STK24: variants seen among roughly 807,000 people sequenced by gnomAD.
The protein encoded by STK24 is serine/threonine kinase 24, also known as serine/threonine-protein kinase 24.
Under a neutral mutation model 55.6 loss-of-function variants are expected in STK24, and 21 were observed. That is an observed-to-expected ratio of 0.38 (90% confidence interval 0.27 to 0.54). The LOEUF (loss-of-function observed/expected upper bound fraction) is 0.54. Ranked by LOEUF, STK24 falls within the 20% of genes least tolerant of loss-of-function variation. STK24 has a pLI of 0.79. For synonymous variants in STK24, 200 were observed against 215.2 expected, an observed-to-expected ratio of 0.93 and a Z score of 0.62; for missense variants, 383 against 538.4, an observed-to-expected ratio of 0.71 and a Z score of 2.86.
intron 1 of STK24, among the ~76,000 whole-genome samples, chr13:98,555,573 C>T (rs1412995412): frequency 1.3e-5 from 2 of 151,408 alleles, no homozygotes; most frequent in Admixed American, 6.6e-5. Context: ...AGTGAGACTC[C>T]GTCTCAATAA....
At chr13:98,538,822 C>T (rs1334310850) in intron 1 of STK24, among the ~76,000 whole-genome samples, 2 of 152,196 alleles carry the variant, frequency 1.3e-5, no homozygotes, top group Non-Finnish European at 2.9e-5. Flanking sequence ...CACACTCAGG[C>T]CCTGGTGTCC....
chr13:98,502,116 C>T (rs1759602915), intron 2 of STK24, among the ~76,000 whole-genome samples: 1 of 152,190 alleles, frequency 6.6e-6, no homozygotes, highest in African/African-American at 2.4e-5. Flanking sequence ...GAATGGTTCC[C>T]TGTCCTGTGT....
At chr13:98,506,440 C>T (rs1443260122) in intron 2 of STK24, among the ~76,000 whole-genome samples, 1 of 152,208 alleles carries the variant, frequency 6.6e-6, no homozygotes. Context: ...CACAGCAGTG[C>T]TAACGAAGGA....
At chr13:98,532,378 G>A (rs1018878010) in intron 1 of STK24, among the ~76,000 whole-genome samples, 2 of 151,676 alleles carry the variant, frequency 1.3e-5, no homozygotes, top group Admixed American at 6.6e-5. Flanking sequence ...ACTAGTAATT[G>A]ATGGTGCATG....
At chr13:98,470,853 T>C (rs1313706874) in intron 5 of STK24, among the ~76,000 whole-genome samples, 2 of 152,258 alleles carry the variant, frequency 1.3e-5, no homozygotes, top group African/African-American at 4.8e-5. Context: ...AACTCTATAA[T>C]CAAGAAGAAA....
At chr13:98,503,362 A>G (rs1895561862) in intron 2 of STK24, among the ~76,000 whole-genome samples, 1 of 152,218 alleles carries the variant, frequency 6.6e-6, no homozygotes, top group Admixed American at 6.5e-5. Context: ...ACCTGATTAA[A>G]ACAAACAAAA....
intron 1 of STK24, among the ~76,000 whole-genome samples, chr13:98,558,145 CA>C (rs1362657419): frequency 6.6e-6 from 1 of 152,178 alleles, no homozygotes; most frequent in Non-Finnish European, 1.5e-5. Flanking sequence ...CATCTAATCC[CA>C]ATGCCAGCAC....
At position 98,457,159 on chromosome 13, in the gene STK24, G is replaced by A. The variant is rs368944064; in HGVS notation, c.1259+9C>T. ...CCTTCCCCAGCCCAGAGGGGCCCTG[G>A]GTAGTTACCTCTGGAGCCGCTGCAC... On this transcript the variant is annotated intron_variant, in intron 10 of 10. Coordinates refer to ENST00000539966, the MANE Select transcript of STK24 (RefSeq NM_001032296.4). The A allele has an allele frequency of 1.0e-4, 168 of 1,609,198 alleles. No individual in the cohort carries two copies. In the Middle Eastern group the frequency reaches 1.1e-3, roughly 11 times the overall value.
intron 9 of STK24, among the ~76,000 whole-genome samples, chr13:98,458,923 G>A (rs950075274): frequency 2.6e-5 from 4 of 152,168 alleles, no homozygotes; most frequent in Non-Finnish European, 4.4e-5. Context: ...TGAACTCTAG[G>A]GTAGCAAATA....
chr13:98,463,694 T>C lies in STK24; in HGVS notation c.926A>G (p.Asp309Gly). 6.2e-7 allele frequency: 1 copy of C among 1,613,608 alleles called. No individual in the cohort carries two copies. The highest frequency in any genetic ancestry group is 8.5e-7 in the Non-Finnish European group (1 of 1,179,630). Residue 309 changes from aspartate (D) to glycine (G), a missense_variant, in exon 7 of 11, where the codon GAC (aspartate) becomes GGC (glycine). By Grantham distance (94) the Asp-to-Gly change is moderately conservative. Transcript: ENST00000539966. The stretch of plus-strand genomic sequence containing the variant: ...GGTCACTCAGGGGCCGACTTACGCG[T>C]CGGAATCCTCGGAGCTCGAGTCGTC... ...SHDDSSSEDSDAETDGQASGG... is the reference protein window; with the variant it reads ...SHDDSSSEDSGAETDGQASGG...
At chr13:98,491,121 C>T (rs1895013641) in intron 2 of STK24, among the ~76,000 whole-genome samples, 2 of 152,176 alleles carry the variant, frequency 1.3e-5, no homozygotes, top group South Asian at 4.1e-4. Flanking sequence ...CCAGTCCTCA[C>T]CACGTTCCCG....
At chr13:98,556,534 CAAA>C (rs1288289297) in intron 1 of STK24, among the ~76,000 whole-genome samples, 1 of 151,872 alleles carries the variant, frequency 6.6e-6, no homozygotes, top group Non-Finnish European at 1.5e-5. Flanking sequence ...ACAACAACAA[CAAA>C]AAAATCACTG....
chr13:98,497,388 C>T (rs773578507), intron 2 of STK24, among the ~76,000 whole-genome samples: 10 of 152,208 alleles, frequency 6.6e-5, no homozygotes, highest in Non-Finnish European at 8.8e-5. Context: ...TTATAAGGCA[C>T]ATTTCTTTTT....
At chr13:98,500,861 A>G (rs2139343746) in intron 2 of STK24, among the ~76,000 whole-genome samples, 1 of 152,270 alleles carries the variant, frequency 6.6e-6, no homozygotes, top group Admixed American at 6.5e-5. Context: ...CCAGGAGAAC[A>G]CTGGGATGCT....
intron 1 of STK24, among the ~76,000 whole-genome samples, chr13:98,575,820 T>C (rs1300564318): frequency 6.6e-6 from 1 of 152,176 alleles, no homozygotes; most frequent in Non-Finnish European, 1.5e-5. Context: ...TTTCTGCGCC[T>C]ACAAAGTTTA....
In STK24 at chr13:98,531,429, A is replaced by C. The variant is rs376267763; in HGVS notation, c.43-11956T>G. On this transcript the variant is annotated intron_variant, in intron 1 of 10. Coordinates refer to ENST00000539966, the MANE Select transcript of STK24 (RefSeq NM_001032296.4). ...AAAAACCTGTCATGGTCGAAACCCA[A>C]TCTGGGACTGCATATCCCTGGCCTC... 3.9e-5 allele frequency among the ~76,000 whole-genome samples: 6 copies of C among 152,260 alleles called. No individual in the cohort carries two copies. In the South Asian group the frequency reaches 1.2e-3, roughly 32 times the overall value.
At chr13:98,546,383 C>T (rs774225415) in intron 1 of STK24, among the ~76,000 whole-genome samples, 16 of 149,574 alleles carry the variant, frequency 1.1e-4, no homozygotes, top group South Asian at 2.1e-4. Flanking sequence ...AAAACACACA[C>T]GAGTAAATCA....
chr13:98,475,247 T>A lies in STK24; in HGVS notation c.439+3A>T, dbSNP rs746933284. The A allele has an allele frequency of 6.2e-7, 1 of 1,604,752 alleles. No individual in the cohort carries two copies. The highest frequency in any genetic ancestry group is 1.1e-5 in the South Asian group (1 of 89,694). The stretch of plus-strand genomic sequence containing the variant: ...AAAGGAATGAAAACGGATGTCCTCT[T>A]ACCTTTAATGTCTCTGTGGATTTTC... On this transcript the variant is annotated splice_donor_region_variant and intron_variant, in intron 4 of 10. Coordinates refer to ENST00000539966, the MANE Select transcript of STK24 (RefSeq NM_001032296.4).
intron 3 of STK24, among the ~76,000 whole-genome samples, chr13:98,475,730 C>CACAGGG (rs1894345371): frequency 6.6e-6 from 1 of 152,204 alleles, no homozygotes; most frequent in Non-Finnish European, 1.5e-5. Context: ...TGCAGCTGAC[C>CACAGGG]TCAGGGTGCC....
Sources: allele counts gnomAD v4.1 joint callset (sites outside exome capture counted in the v4.1 genomes callset), GRCh38; gene constraint gnomAD v4.1.1; transcripts MANE v1.5; gene names NCBI Gene and HGNC (gene_info 2026-07-23, HGNC 2026-07-21).